The following PRMT1 variants were observed in gnomAD, a reference collection of about 807,000 sequenced individuals.
The protein encoded by PRMT1 is protein arginine methyltransferase 1, also known as protein arginine N-methyltransferase 1.
In PRMT1, 5 loss-of-function variants were observed where a neutral mutation model predicts 47.4. The ratio of observed to expected loss-of-function variants is 0.11; its 90% CI spans 0.06 to 0.22. The LOEUF (loss-of-function observed/expected upper bound fraction) is 0.22. Among genes scored for constraint, PRMT1 ranks in the 10% least tolerant of loss-of-function variants. PRMT1 has a pLI of 1.00. For synonymous variants in PRMT1, 227 were observed against 204.6 expected (o/e 1.11, Z -0.94); for missense variants, 249 against 518.4 (o/e 0.48, Z 5.05).
At chr19:49,687,803 T>G in intron 10 of PRMT1, 4 of 345,708 alleles carry the variant, frequency 1.2e-5, no homozygotes, top group East Asian at 1.2e-4. Flanking sequence ...GGCTGGACCA[T>G]TGTGTTTCAC....
chr19:49,679,557 G>A, intron 1 of PRMT1: 1 of 653,220 alleles, frequency 1.5e-6, no homozygotes, highest in African/African-American at 1.8e-5. Flanking sequence ...ACAGCTGGCG[G>A]TGGTGGGTGC....
Position 49,686,155 on chromosome 19 carries a change from A to C in PRMT1, c.822A>C (p.Gln274His), listed in dbSNP as rs2082201039. The C allele has an allele frequency of 6.2e-7, 1 of 1,613,964 alleles. No individual in the cohort carries two copies. The highest frequency in any genetic ancestry group is 8.5e-7 in the Non-Finnish European group (1 of 1,179,982). ...CCTTCACCTCCCCGTTCTGCCTGCAAGTGAAGCGGAATGACTACGTGCACG... is the reference window on the plus strand; with the variant it reads ...CCTTCACCTCCCCGTTCTGCCTGCACGTGAAGCGGAATGACTACGTGCACG... ...DLTFTSPFCLQVKRNDYVHAL... is the reference protein window; with the variant it reads ...DLTFTSPFCLHVKRNDYVHAL... The change falls in exon 9 of 11, where the codon CAA becomes CAC. Residue 274 changes from glutamine (Q) to histidine (H), a missense_variant. By Grantham distance (24) the Gln-to-His change is conservative. This residue lies in a region of PRMT1 where 190 missense variants were observed against 456.7 expected (regional missense o/e 0.42). Transcript: ENST00000454376.
At position 49,679,889 on chromosome 19, in the gene PRMT1, G is replaced by T. The variant is rs776551881; in HGVS notation, c.54G>T (p.Leu18Phe). Residue 18 changes from leucine (L) to phenylalanine (F), a missense_variant, in exon 2 of 11, where the codon TTG (leucine) becomes TTT (phenylalanine). Transcript: ENST00000454376. The stretch of plus-strand genomic sequence containing the variant: ...TCTCCTAGAATTTTGTAGCCACCTT[G>T]GCTAATGGGATGAGCCTCCAGCCGC... ...NCIMENFVAT[L>F]ANGMSLQPPL... is the part of the protein sequence containing the mutation. 6.2e-7 allele frequency: 1 copy of T among 1,612,890 alleles called. No homozygotes were observed. The highest frequency in any genetic ancestry group is 8.5e-7 in the Non-Finnish European group (1 of 1,179,240).
At chr19:49,683,182 G>A (rs2082146200) in intron 5 of PRMT1, among the ~76,000 whole-genome samples, 1 of 151,420 alleles carries the variant, frequency 6.6e-6, no homozygotes, top group Admixed American at 6.6e-5. Flanking sequence ...GCCTCCCAAA[G>A]TGCTGAGATT....
At chr19:49,687,272 G>T (rs35270176) in intron 10 of PRMT1, among the ~76,000 whole-genome samples, 6 of 151,970 alleles carry the variant, frequency 3.9e-5, no homozygotes, top group Admixed American at 2.6e-4. Flanking sequence ...GAGCTGGGGG[G>T]GCTTCTCGGA....
At chr19:49,679,588 G>T (rs1265908979) in intron 1 of PRMT1, 1 of 687,498 alleles carries the variant, frequency 1.5e-6, no homozygotes. Context: ...GGCCTGGATG[G>T]GGGAGGTGTG....
Position 49,685,088 on chromosome 19 carries a change from G to A in PRMT1, c.759+51G>A. The A allele has an allele frequency of 3.7e-6, 6 of 1,612,226 alleles. No individual in the cohort carries two copies. Among genetic ancestry groups the A allele is most frequent in the Middle Eastern group, 1.7e-4 (1 of 6,060 alleles). On this transcript the variant is annotated intron_variant, in intron 8 of 10. Transcript: ENST00000454376. The surrounding 1 kb of genome is among the most constrained non-coding windows in gnomAD (Gnocchi z 4.7). ...CCCCCTGGGTTGAAACCAAAGAGAG[G>A]CCATCACCTGGCCCTGGCATGGGAC...
In PRMT1 at chr19:49,688,210, G is replaced by A. The variant is rs747040067; in HGVS notation, c.1081G>A (p.Glu361Lys). 1.2e-6 allele frequency: 2 copies of A among 1,613,870 alleles called. No individual in the cohort carries two copies. The highest frequency in any genetic ancestry group is 1.7e-6 in the Non-Finnish European group (2 of 1,179,938). Residue 361 changes from glutamate (E) to lysine (K), a missense_variant, in exon 11 of 11, where the codon GAG becomes AAG. This residue lies in a region of PRMT1 where 190 missense variants were observed against 456.7 expected (regional missense o/e 0.42). Transcript: ENST00000454376. This position sits in a 1 kb window ranked among gnomAD's most constrained non-coding sequence, Gnocchi z 5.3. ...CCTGGACTTCAAGGGCCAGCTGTGC[G>A]AGCTGTCCTGCTCCACCGACTACCG... ...IDLDFKGQLC[E>K]LSCSTDYRMR
In PRMT1 at chr19:49,687,442, C is replaced by T. The variant is rs1214752850; in HGVS notation, c.1032+716C>T. The stretch of plus-strand genomic sequence containing the variant: ...ACTCAGGGTAGTCATGGAATGTGGA[C>T]CCTGGGACACCCACGAGCCTGTGAC... On this transcript the variant is annotated intron_variant, in intron 10 of 10. Transcript: ENST00000454376. Among the ~76,000 whole-genome samples the T allele has an allele frequency of 2.6e-5, 4 of 152,076 alleles. 1 individual carries two copies. The highest frequency in any genetic ancestry group is 9.6e-5 in the African/African-American group (4 of 41,478).
rs931491120 is a variant in PRMT1, at chr19:49,684,499, G to A, written c.556-255G>A. On this transcript the variant is annotated intron_variant, in intron 6 of 10. Transcript: ENST00000454376. The surrounding 1 kb of genome is among the most constrained non-coding windows in gnomAD (Gnocchi z 6.2). ...TGTGCAGATTTTGTGGAGGCTTATG[G>A]GACCCCGTGCTTTTCCTCTCAGAGC... Among the ~76,000 whole-genome samples, 6 of 152,248 alleles carry A rather than the reference G, an allele frequency of 3.9e-5. No homozygotes were observed. Among genetic ancestry groups the A allele is most frequent in the Middle Eastern group, 3.4e-3 (1 of 294 alleles).
At chr19:49,678,987 G>A (rs2082077029) in intron 1 of PRMT1, among the ~76,000 whole-genome samples, 1 of 151,464 alleles carries the variant, frequency 6.6e-6, no homozygotes, top group African/African-American at 2.4e-5. Context: ...GGGTTCAAGC[G>A]ATTCTCCTGC....
chr19:49,680,114 G>A lies in PRMT1; in HGVS notation c.90+189G>A, dbSNP rs1419718931. 10 of 1,156,000 alleles carry A rather than the reference G, an allele frequency of 8.7e-6. No homozygotes were observed. In the South Asian group the frequency reaches 1.1e-4, roughly 12 times the overall value. The allele number at this position is 1,156,000 out of a possible 1,614,324, so 71.6% of individuals were successfully genotyped here. ...CCCGCTGGCCTCCCCCAGTATCGCC[G>A]CTACTTCCTTAACTCCACCTCCAAC... On this transcript the variant is annotated intron_variant, in intron 2 of 10. Transcript: ENST00000454376. The surrounding 1 kb of genome is among the most constrained non-coding windows in gnomAD (Gnocchi z 4.2).
intron 10 of PRMT1, 177 bp from the exon 11 acceptor site, chr19:49,687,985 G>C: frequency 3.0e-6 from 2 of 659,560 alleles, no homozygotes; most frequent in South Asian, 3.4e-5. Flanking sequence ...TGTCCATGTG[G>C]TGCTGTCCCT....
At position 49,681,338 on chromosome 19, in the gene PRMT1, C is replaced by T. The variant is rs961160259; in HGVS notation, c.193-572C>T. ...TGCTGGGATTACAGGCGTGAGCCAC[C>T]GCTCCCAGCCTGAGGACTTTTAAAA... On this transcript the variant is annotated intron_variant, in intron 3 of 10. Transcript: ENST00000454376. The surrounding 1 kb of genome is among the most constrained non-coding windows in gnomAD (Gnocchi z 4.4). 9.9e-5 allele frequency among the ~76,000 whole-genome samples: 15 copies of T among 152,274 alleles called. No homozygotes were observed. The highest frequency in any genetic ancestry group is 2.1e-4 in the South Asian group (1 of 4,828).
rs773558877 is a variant in PRMT1, at chr19:49,684,390, G to A, written c.555+321G>A. Among the ~76,000 whole-genome samples, 36 of 152,210 alleles carry A rather than the reference G, an allele frequency of 2.4e-4. No individual in the cohort carries two copies. Among genetic ancestry groups the A allele is most frequent in the South Asian group, 4.1e-4 (2 of 4,828 alleles). On this transcript the variant is annotated intron_variant, in intron 6 of 10. Transcript: ENST00000454376. This position sits in a 1 kb window ranked among gnomAD's most constrained non-coding sequence, Gnocchi z 6.2. Reference sequence around the variant, plus strand: ...GCCAGGGCAGGTGTGCCCTTGCTGCGTGTGGAACAGCAGGGAGGCCCGTGT... The same window carrying A: ...GCCAGGGCAGGTGTGCCCTTGCTGCATGTGGAACAGCAGGGAGGCCCGTGT...
intron 1 of PRMT1, chr19:49,679,488 GGT>G: frequency 1.9e-6 from 1 of 514,112 alleles, no homozygotes. Context: ...CTAGGATAGG[GGT>G]GTGTGTGTCA....
chr19:49,682,375 C>G (rs759725210), intron 5 of PRMT1, 116 bp downstream of exon 5: 1 of 1,139,138 alleles, frequency 8.8e-7, no homozygotes, highest in Non-Finnish European at 1.3e-6. Flanking sequence ...CAGCTCCCAA[C>G]CCATGGTCTT....
rs774296797 is a variant in PRMT1, at chr19:49,682,277, A to G, written c.412+18A>G. 2 of 1,611,302 alleles carry G rather than the reference A, an allele frequency of 1.2e-6. No individual in the cohort carries two copies. The highest frequency in any genetic ancestry group is 2.2e-5 in the East Asian group (1 of 44,868). On this transcript the variant is annotated intron_variant, in intron 5 of 10. Coordinates refer to ENST00000454376, the MANE Select transcript of PRMT1 (RefSeq NM_001536.6). ...AGACCACGGTGAGCCCAGAAAGAGG[A>G]TGGGTTTGTGGGAGTGGAGGGGGTG... is the stretch of plus-strand genomic sequence containing the variant.
rs2122946613 is a variant in PRMT1, at chr19:49,680,419, C to A, written c.91-68C>A. The stretch of plus-strand genomic sequence containing the variant: ...TACTACTCTTCAGGGAAAAGTAGGG[C>A]GCTGGAGGTTTAAGAGGCTGTGGGG... On this transcript the variant is annotated intron_variant, in intron 2 of 10. Transcript: ENST00000454376. This position sits in a 1 kb window ranked among gnomAD's most constrained non-coding sequence, Gnocchi z 4.2. The A allele has an allele frequency of 1.5e-6, 2 of 1,314,440 alleles. No homozygotes were observed. Among genetic ancestry groups the A allele is most frequent in the Non-Finnish European group, 2.2e-6 (2 of 909,070 alleles). 81.4% of individuals were successfully genotyped at this position (1,314,440 alleles called of 1,614,324 possible). A position where few individuals can be genotyped will look rare whatever the true frequency, so the allele number is the denominator to read the frequency against.
Sources: allele counts gnomAD v4.1 joint callset (sites outside exome capture counted in the v4.1 genomes callset), GRCh38; gene constraint gnomAD v4.1.1; regional missense constraint gnomAD v4.1.1; non-coding constraint Gnocchi (gnomAD v3.1); transcripts MANE v1.5; gene names NCBI Gene and HGNC (gene_info 2026-07-23, HGNC 2026-07-21).